ANGPT1: variants seen among roughly 807,000 people sequenced by gnomAD.
ANGPT1 encodes angiopoietin 1.
A neutral mutation model predicts 62.2 loss-of-function variants in ANGPT1; 17 were observed. The observed-to-expected ratio is 0.27, with a 90% CI of 0.19 to 0.41. The LOEUF (loss-of-function observed/expected upper bound fraction) is 0.41. Among genes scored for constraint, ANGPT1 ranks in the 10% least tolerant of loss-of-function variants. The pLI is 1.00. For synonymous variants in ANGPT1, 199 were observed against 198.9 expected (o/e 1.00, Z 0.00); for missense variants, 478 against 594.9 (o/e 0.80, Z 2.04).
Position 107,257,876 on chromosome 8 carries a change from G to GTTTTTTTTTTTTTTT in ANGPT1, c.1337-5862_1337-5861insAAAAAAAAAAAAAAA, listed in dbSNP as rs1371396961. Among the ~76,000 whole-genome samples, 65 of 85,210 alleles carry GTTTTTTTTTTTTTTT rather than the reference G, an allele frequency of 7.6e-4. 7 individuals are homozygous for GTTTTTTTTTTTTTTT. Among genetic ancestry groups the GTTTTTTTTTTTTTTT allele is most frequent in the African/African-American group, 1.1e-3 (24 of 21,518 alleles). 55.9% of individuals were successfully genotyped at this position (85,210 alleles called of 152,430 possible). A position where few individuals can be genotyped will look rare whatever the true frequency, so the allele number is the denominator to read the frequency against. On this transcript the variant is annotated intron_variant, in intron 8 of 8. Transcript: ENST00000517746. Reference sequence around the variant, plus strand: ...CTCTTCAGGCCAAGGACTTGTTTTTGTTTCTTTTTTGTTTGTTTGTTTGTT... The same window carrying GTTTTTTTTTTTTTTT: ...CTCTTCAGGCCAAGGACTTGTTTTTGTTTTTTTTTTTTTTTTTTCTTTTTTGTTTGTTTGTTTGTT...
chr8:107,410,948 T>C (rs1453736655), intron 1 of ANGPT1, among the ~76,000 whole-genome samples: 1 of 152,180 alleles, frequency 6.6e-6, no homozygotes, highest in Non-Finnish European at 1.5e-5. Context: ...AATTCCTATT[T>C]TAATTTTTTG....
chr8:107,404,995 G>T (rs938269711), intron 1 of ANGPT1, among the ~76,000 whole-genome samples: 2 of 151,754 alleles, frequency 1.3e-5, no homozygotes, highest in Admixed American at 6.6e-5. Context: ...TTTATATTGG[G>T]CTATTATTTC....
intron 8 of ANGPT1, among the ~76,000 whole-genome samples, chr8:107,257,883 T>TTTTG (rs763140139): frequency 0.018 from 1,570 of 85,808 alleles, 95 homozygotes; most frequent in Middle Eastern, 0.049. Flanking sequence ...TTTGTTTCTT[T>TTTTG]TTTGTTTGTT....
intron 1 of ANGPT1, among the ~76,000 whole-genome samples, chr8:107,399,482 T>C (rs748689048): frequency 8.5e-5 from 13 of 152,150 alleles, no homozygotes; most frequent in Non-Finnish European, 1.6e-4. Flanking sequence ...CACACTTCTC[T>C]CCCAAAATTG....
At chr8:107,472,804 C>T (rs191933495) in intron 1 of ANGPT1, among the ~76,000 whole-genome samples, 35 of 151,948 alleles carry the variant, frequency 2.3e-4, no homozygotes, top group Admixed American at 2.0e-3. Context: ...CATATAAGAA[C>T]ATTATGTCTT....
intron 1 of ANGPT1, among the ~76,000 whole-genome samples, chr8:107,371,368 C>T (rs1816407364): frequency 6.6e-6 from 1 of 152,148 alleles, no homozygotes; most frequent in Non-Finnish European, 1.5e-5. Flanking sequence ...TCTCTTTTCA[C>T]TCTTGTTCTC....
chr8:107,454,595 AATAGTATCAC>A (rs775204995), intron 1 of ANGPT1, among the ~76,000 whole-genome samples: 15 of 152,096 alleles, frequency 9.9e-5, no homozygotes, highest in South Asian at 2.1e-4. Context: ...TCTACTTGCA[AATAGTATCAC>A]ATATTTTGTT....
chr8:107,479,991 T>TA (rs1045789378), intron 1 of ANGPT1, among the ~76,000 whole-genome samples: 1 of 152,100 alleles, frequency 6.6e-6, no homozygotes, highest in African/African-American at 2.4e-5. Context: ...ACAGAGGCAA[T>TA]AAAAAAATTT....
At chr8:107,324,489 G>A (rs953079337) in intron 3 of ANGPT1, among the ~76,000 whole-genome samples, 11 of 152,114 alleles carry the variant, frequency 7.2e-5, no homozygotes, top group African/African-American at 2.7e-4. Context: ...GCCTGGAACC[G>A]AGTCTTCCCT....
chr8:107,251,616 A>G lies in ANGPT1; in HGVS notation c.*239T>C. On this transcript the variant is annotated 3_prime_UTR_variant, in exon 9 of 9. Coordinates refer to ENST00000517746, the MANE Select transcript of ANGPT1 (RefSeq NM_001146.5). ...CAGTTTCTTCCCTTTTTAAAGCCCGACAGTCAGTGGAGTTTTCTATAGTCG... is the reference window on the plus strand; with the variant it reads ...CAGTTTCTTCCCTTTTTAAAGCCCGGCAGTCAGTGGAGTTTTCTATAGTCG... The G allele has an allele frequency of 2.3e-6, 1 of 438,700 alleles. No individual in the cohort carries two copies. The allele number at this position is 438,700 out of a possible 1,614,324, so 27.2% of individuals were successfully genotyped here. A position where few individuals can be genotyped will look rare whatever the true frequency, so the allele number is the denominator to read the frequency against.
chr8:107,298,836 C>T (rs1251547494), intron 5 of ANGPT1, among the ~76,000 whole-genome samples: 1 of 151,774 alleles, frequency 6.6e-6, no homozygotes, highest in Non-Finnish European at 1.5e-5. Flanking sequence ...CCTTGAGATT[C>T]TTACCCTTGC....
At chr8:107,255,413 A>T (rs1276336629) in intron 8 of ANGPT1, among the ~76,000 whole-genome samples, 1 of 152,130 alleles carries the variant, frequency 6.6e-6, no homozygotes, top group Non-Finnish European at 1.5e-5. Context: ...GAAAACATAA[A>T]GGTTTTTATT....
At chr8:107,493,193 A>G (rs957313917) in intron 1 of ANGPT1, among the ~76,000 whole-genome samples, 12 of 150,644 alleles carry the variant, frequency 8.0e-5, no homozygotes, top group African/African-American at 2.9e-4. Flanking sequence ...AAAATGGATA[A>G]GCGACATTTA....
In ANGPT1 at chr8:107,326,618, C is replaced by T. The variant is rs1194593268; in HGVS notation, c.576-4490G>A. Among the ~76,000 whole-genome samples the T allele has an allele frequency of 2.0e-5, 3 of 152,012 alleles. No individual in the cohort carries two copies. In the East Asian group the frequency reaches 5.8e-4, roughly 29 times the overall value. ...AGTCAGCCCTTCCTTGTCATTACTTCCAAAATGGTTTCAATGCAAACCTCA... is the reference window on the plus strand; with the variant it reads ...AGTCAGCCCTTCCTTGTCATTACTTTCAAAATGGTTTCAATGCAAACCTCA... On this transcript the variant is annotated intron_variant, in intron 3 of 8. Coordinates refer to ENST00000517746, the MANE Select transcript of ANGPT1 (RefSeq NM_001146.5).
chr8:107,384,488 G>A (rs564358842), intron 1 of ANGPT1, among the ~76,000 whole-genome samples: 1 of 152,102 alleles, frequency 6.6e-6, no homozygotes, highest in South Asian at 2.1e-4. Context: ...GAAGTTCTAT[G>A]TTTTTACTTA....
intron 6 of ANGPT1, among the ~76,000 whole-genome samples, chr8:107,287,838 A>G (rs1432559314): frequency 3.9e-5 from 6 of 152,210 alleles, no homozygotes; most frequent in Non-Finnish European, 7.3e-5. Flanking sequence ...GGGATTACAG[A>G]CATCATTTTC....
At chr8:107,293,912 G>T in intron 6 of ANGPT1, 24 bp downstream of exon 6, 2 of 1,577,656 alleles carry the variant, frequency 1.3e-6, no homozygotes, top group Non-Finnish European at 1.7e-6. Flanking sequence ...ACACCAAAAA[G>T]CACCATAAAT....
intron 6 of ANGPT1, among the ~76,000 whole-genome samples, chr8:107,292,475 T>C (rs2130173563): frequency 6.6e-6 from 1 of 152,282 alleles, no homozygotes; most frequent in African/African-American, 2.4e-5. Context: ...AAATACTAAG[T>C]CCTTAAGGCA....
chr8:107,332,212 T>G lies in ANGPT1; in HGVS notation c.575+3938A>C, dbSNP rs563322356. On this transcript the variant is annotated intron_variant, in intron 3 of 8. Coordinates refer to ENST00000517746, the MANE Select transcript of ANGPT1 (RefSeq NM_001146.5). ...CCTACTTTGTGTTCATCTCACTCCC[T>G]TTGTGGGCAAGGTAAAATATTAATG... is the stretch of plus-strand genomic sequence containing the variant. Among the ~76,000 whole-genome samples the G allele has an allele frequency of 9.8e-5, 15 of 152,310 alleles. No homozygotes were observed. The South Asian group carries it at 1.4e-3, about 15-fold the overall frequency.
Sources: gnomAD v4.1 joint callset for allele counts (sites outside exome capture counted in the v4.1 genomes callset) on GRCh38, gnomAD v4.1.1 for gene constraint, MANE v1.5 for transcripts, NCBI Gene and HGNC (gene_info 2026-07-23, HGNC 2026-07-21) for gene names.